Variants in MIOS observed in about 807,000 individuals in gnomAD.
MIOS encodes GATOR2 complex protein MIOS.
Under a neutral mutation model 96.9 loss-of-function variants are expected in MIOS, and 52 were observed. The ratio of observed to expected loss-of-function variants is 0.54; its 90% confidence interval spans 0.43 to 0.68. The LOEUF (loss-of-function observed/expected upper bound fraction) is 0.68. MIOS is among the 30% of genes least tolerant of loss of function. The pLI, the probability that MIOS is intolerant of heterozygous loss-of-function variation, is 0.00. For missense variants in MIOS, 1,005 were observed against 1,052.8 expected, an observed-to-expected ratio of 0.95 and a Z score of 0.63; for synonymous variants, 397 against 359.5, an observed-to-expected ratio of 1.10 and a Z score of -1.18.
At chr7:7,603,041 C>G (rs1160000137) in intron 11 of MIOS, among the ~76,000 whole-genome samples, 7 of 151,812 alleles carry the variant, frequency 4.6e-5, no homozygotes, top group Admixed American at 1.3e-4. Flanking sequence ...AACTGGATCC[C>G]TTCCTTACAC....
intron 9 of MIOS, among the ~76,000 whole-genome samples, chr7:7,593,909 A>T (rs1002111311): frequency 6.6e-6 from 1 of 151,030 alleles, no homozygotes; most frequent in Non-Finnish European, 1.5e-5. Flanking sequence ...AAAGAAAAGA[A>T]AAAAAGAAAA....
intron 9 of MIOS, among the ~76,000 whole-genome samples, chr7:7,590,860 G>A (rs1275423334): frequency 6.6e-6 from 1 of 151,950 alleles, no homozygotes; most frequent in African/African-American, 2.4e-5. Flanking sequence ...CCTTTCTTAT[G>A]TCACTCTGAC....
chr7:7,606,950 T>A (rs1184638853), intron 12 of MIOS, 46 bp from the exon 13 acceptor site: 2 of 1,317,778 alleles, frequency 1.5e-6, no homozygotes, highest in Admixed American at 1.8e-5. Context: ...TAAATGTATG[T>A]CTGTCTAATT....
rs988016878 is a variant in MIOS, at chr7:7,608,462, A to G, written c.*1370A>G. 6.6e-6 allele frequency: 1 copy of G among 152,102 alleles called. No individual in the cohort carries two copies. Among genetic ancestry groups the G allele is most frequent in the African/African-American group, 2.4e-5 (1 of 41,458 alleles). 9.4% of individuals were successfully genotyped at this position (152,102 alleles called of 1,614,324 possible). On this transcript the variant is annotated 3_prime_UTR_variant, in exon 13 of 13. Coordinates refer to ENST00000340080, the MANE Select transcript of MIOS (RefSeq NM_019005.4). ...ATTTTTTACCTTGAGTGTCTGATAC[A>G]TAAAACCCTTTTCTAGGAAAACATT...
At chr7:7,582,033 G>T (rs1472428023) in intron 5 of MIOS, among the ~76,000 whole-genome samples, 1 of 152,074 alleles carries the variant, frequency 6.6e-6, no homozygotes, top group African/African-American at 2.4e-5. Flanking sequence ...GGCGGGCCAG[G>T]ACAGGAATGC....
At chr7:7,585,879 C>A in intron 7 of MIOS, 74 bp downstream of exon 7, 1 of 1,284,108 alleles carries the variant, frequency 7.8e-7, no homozygotes, top group Non-Finnish European at 1.1e-6. Flanking sequence ...TTAAAATTTT[C>A]AAATGTCTGT....
Position 7,573,674 on chromosome 7 carries a change from C to T in MIOS, c.1199C>T (p.Ser400Leu), listed in dbSNP as rs775069947. The stretch of plus-strand genomic sequence containing the variant: ...ACGAAGATGCGTCTTCGGGCTTTAT[C>T]AAGGTATGGACTTGATACAGAGCAG... ...IATKMRLRAL[S>L]RYGLDTEQVW... The change falls in exon 4 of 13, where the codon TCA becomes TTA. Residue 400 changes from serine (S) to leucine (L), a missense_variant. Around this residue, in one of 3 missense-constraint regions of MIOS, gnomAD observed 865 missense variants for 887.9 expected, o/e 0.97. Transcript: ENST00000340080. This position sits in a 1 kb window ranked among gnomAD's most constrained non-coding sequence, Gnocchi z 5.0. 1.2e-6 allele frequency: 2 copies of T among 1,613,760 alleles called. No individual in the cohort carries two copies. Among genetic ancestry groups the T allele is most frequent in the African/African-American group, 2.7e-5 (2 of 74,898 alleles).
intron 5 of MIOS, among the ~76,000 whole-genome samples, chr7:7,582,228 CATTCATGTTGCCTA>C (rs1215283644): frequency 6.6e-6 from 1 of 152,068 alleles, no homozygotes; most frequent in Non-Finnish European, 1.5e-5. Flanking sequence ...TAATGTTGGA[CATTCATGTTGCCTA>C]ATTCATAATT....
Position 7,567,663 on chromosome 7 carries a change from T to G in MIOS, c.-164T>G, listed in dbSNP as rs1473223065. 1 of 152,214 alleles carries G rather than the reference T, an allele frequency of 6.6e-6. No individual in the cohort carries two copies. The highest frequency in any genetic ancestry group is 1.5e-5 in the Non-Finnish European group (1 of 68,034). 9.4% of individuals were successfully genotyped at this position (152,214 alleles called of 1,614,324 possible). The stretch of plus-strand genomic sequence containing the variant: ...GAAGATGCTGATGGTGGAAATTTCT[T>G]GAAACCGCTCTCGTAATTTGCCACG... On this transcript the variant is annotated 5_prime_UTR_variant, in exon 2 of 13. An upstream open reading frame in the 5' UTR loses its in-frame stop. Transcript: ENST00000340080.
chr7:7,569,921 C>T (rs1404017187), intron 3 of MIOS, among the ~76,000 whole-genome samples: 1 of 152,154 alleles, frequency 6.6e-6, no homozygotes, highest in Admixed American at 6.5e-5. Context: ...AAAAGGACAG[C>T]AAGAATGTTG....
intron 9 of MIOS, among the ~76,000 whole-genome samples, chr7:7,593,179 C>G (rs909542706): frequency 1.3e-5 from 2 of 152,068 alleles, no homozygotes; most frequent in African/African-American, 4.8e-5. Flanking sequence ...CTTTTTAAAC[C>G]AGGGATTATA....
chr7:7,594,860 G>C, intron 9 of MIOS, 120 bp from the exon 10 acceptor site: 1 of 328,376 alleles, frequency 3.0e-6, no homozygotes, highest in East Asian at 4.9e-5. Flanking sequence ...GCCAGCTTTT[G>C]GCAAAAAAAA....
In MIOS at chr7:7,572,702, G is replaced by A; in HGVS notation, c.227G>A (p.Cys76Tyr). 1 of 1,614,172 alleles carries A rather than the reference G, an allele frequency of 6.2e-7. No homozygotes were observed. The highest frequency in any genetic ancestry group is 8.5e-7 in the Non-Finnish European group (1 of 1,180,008). ...VAWYLNYDPE[C>Y]LLAVGQANGR... is the part of the protein sequence containing the mutation. ...TGGTATCTTAATTATGATCCTGAAT[G>A]TCTGCTGGCAGTTGGACAAGCAAAT... Residue 76 changes from cysteine to tyrosine, a missense_variant, in exon 4 of 13, where the codon TGT becomes TAT. Cys to Tyr is a radical substitution (Grantham distance 194). Coordinates refer to ENST00000340080, the MANE Select transcript of MIOS (RefSeq NM_019005.4). This position sits in a 1 kb window ranked among gnomAD's most constrained non-coding sequence, Gnocchi z 4.8.
rs1044315359 is a variant in MIOS, at chr7:7,566,921, G to C, written c.-372G>C. 1 of 152,152 alleles carries C rather than the reference G, an allele frequency of 6.6e-6. No individual in the cohort carries two copies. Among genetic ancestry groups the C allele is most frequent in the African/African-American group, 2.4e-5 (1 of 41,446 alleles). 9.4% of individuals were successfully genotyped at this position (152,152 alleles called of 1,614,324 possible). On this transcript the variant is annotated 5_prime_UTR_variant, in exon 1 of 13. Coordinates refer to ENST00000340080, the MANE Select transcript of MIOS (RefSeq NM_019005.4). Reference sequence around the variant, plus strand: ...CGAGGCGCCGCTGCGCGTCCTCCAGGCGTGGTGGTGGGGTCGTGGGTCCCA... The same window carrying C: ...CGAGGCGCCGCTGCGCGTCCTCCAGCCGTGGTGGTGGGGTCGTGGGTCCCA...
At position 7,596,295 on chromosome 7, in the gene MIOS, C is replaced by T. The variant is rs754909147; in HGVS notation, c.2235C>T (p.Ser745=). 3.1e-6 allele frequency: 5 copies of T among 1,614,120 alleles called. No individual in the cohort carries two copies. The Admixed American group carries it at 6.7e-5, about 22-fold the overall frequency. Residue 745 remains serine (S), a synonymous_variant, in exon 11 of 13, where the codon TCC becomes TCT. Coordinates refer to ENST00000340080, the MANE Select transcript of MIOS (RefSeq NM_019005.4). ...VSCNFCGKSI[S]YSCSAVPHQG... ...GCAATTTCTGTGGCAAGTCAATCTC[C>T]TACAGCTGTTCAGCTGTGCCTCATC...
intron 5 of MIOS, among the ~76,000 whole-genome samples, chr7:7,574,805 T>C (rs995178685): frequency 5.9e-5 from 9 of 152,054 alleles, no homozygotes; most frequent in Admixed American, 2.0e-4. Flanking sequence ...TTCTGACTGC[T>C]TTAAACAGTT....
chr7:7,570,665 A>G (rs1027919615), intron 3 of MIOS, among the ~76,000 whole-genome samples: 1 of 151,970 alleles, frequency 6.6e-6, no homozygotes, highest in African/African-American at 2.4e-5. Context: ...ACAGATCATC[A>G]GGCATTAGAT....
intron 9 of MIOS, among the ~76,000 whole-genome samples, chr7:7,594,487 G>A (rs1304519762): frequency 6.6e-6 from 1 of 152,038 alleles, no homozygotes; most frequent in Non-Finnish European, 1.5e-5. Flanking sequence ...TAGAGACAGG[G>A]TTTCACCATG....
At chr7:7,580,960 T>TA (rs1258602264) in intron 5 of MIOS, among the ~76,000 whole-genome samples, 1 of 149,838 alleles carries the variant, frequency 6.7e-6, no homozygotes, top group Non-Finnish European at 1.5e-5. Flanking sequence ...GTGCTGGGAT[T>TA]ACAGGCATGA....
Sources: allele counts gnomAD v4.1 joint callset (sites outside exome capture counted in the v4.1 genomes callset), GRCh38; gene constraint gnomAD v4.1.1; regional missense constraint gnomAD v4.1.1; non-coding constraint Gnocchi (gnomAD v3.1); transcripts MANE v1.5; gene names NCBI Gene and HGNC (gene_info 2026-07-23, HGNC 2026-07-21).